Variants in PIK3C2A observed in about 807,000 individuals in gnomAD.
PIK3C2A encodes phosphatidylinositol 4-phosphate 3-kinase C2 domain-containing subunit alpha.
A neutral mutation model predicts 204.5 loss-of-function variants in PIK3C2A; 97 were observed. The ratio of observed to expected loss-of-function variants is 0.47; its 90% CI spans 0.40 to 0.56. The LOEUF is 0.56. Ranked by LOEUF, PIK3C2A falls within the 20% of genes least tolerant of loss-of-function variation. The pLI, the probability that PIK3C2A is intolerant of heterozygous loss-of-function variation, is 0.00. For missense variants in PIK3C2A, 1,735 were observed against 1,969.2 expected, an observed-to-expected ratio of 0.88 and a Z score of 2.25; for synonymous variants, 653 against 664.4, an observed-to-expected ratio of 0.98 and a Z score of 0.26.
At chr11:17,125,522 GT>G (rs200970133) in intron 13 of PIK3C2A, among the ~76,000 whole-genome samples, 2 of 150,564 alleles carry the variant, frequency 1.3e-5, no homozygotes, top group Admixed American at 6.6e-5. Flanking sequence ...GATTTTCACT[GT>G]TTTTTTTTGA....
intron 6 of PIK3C2A, 75 bp downstream of exon 6, chr11:17,147,442 A>G (rs1319404164): frequency 1.3e-6 from 1 of 780,898 alleles, no homozygotes; most frequent in Non-Finnish European, 2.2e-6. Context: ...AAAAATGTAC[A>G]AGTTGAAAAT....
intron 1 of PIK3C2A, among the ~76,000 whole-genome samples, chr11:17,191,203 A>G (rs1236561173): frequency 6.6e-6 from 1 of 152,178 alleles, no homozygotes; most frequent in African/African-American, 2.4e-5. Flanking sequence ...GCCTTGCCCA[A>G]AGACAGGTGC....
intron 2 of PIK3C2A, among the ~76,000 whole-genome samples, chr11:17,167,350 T>C (rs992330729): frequency 1.4e-4 from 21 of 152,288 alleles, no homozygotes; most frequent in African/African-American, 4.6e-4. Flanking sequence ...TGGCCGGGCA[T>C]GGTGGCTCAC....
intron 1 of PIK3C2A, 27 bp from the exon 2 acceptor site, chr11:17,169,833 C>A: frequency 1.2e-6 from 1 of 801,842 alleles, no homozygotes; most frequent in East Asian, 2.5e-5. Flanking sequence ...ACATAACACT[C>A]AATTAGATTT....
intron 1 of PIK3C2A, among the ~76,000 whole-genome samples, chr11:17,178,704 G>C (rs1301208595): frequency 7.3e-6 from 1 of 136,322 alleles, no homozygotes; most frequent in Non-Finnish European, 1.6e-5. Context: ...ACACCTGGTT[G>C]ATTTTTGAAT....
chr11:17,111,470 GT>G (rs976115453), intron 21 of PIK3C2A, among the ~76,000 whole-genome samples: 4 of 152,080 alleles, frequency 2.6e-5, no homozygotes, highest in African/African-American at 9.7e-5. Flanking sequence ...ACTTGAATAA[GT>G]TTTCATTTTC....
At chr11:17,195,169 C>T (rs1438027714) in intron 1 of PIK3C2A, among the ~76,000 whole-genome samples, 5 of 152,036 alleles carry the variant, frequency 3.3e-5, no homozygotes, top group Non-Finnish European at 7.4e-5. Flanking sequence ...AATCCCAGCA[C>T]TTTGGGAGGC....
At chr11:17,200,913 T>C (rs2137581922) in intron 1 of PIK3C2A, among the ~76,000 whole-genome samples, 1 of 152,274 alleles carries the variant, frequency 6.6e-6, no homozygotes, top group Middle Eastern at 3.4e-3. Flanking sequence ...CAGATGAAAC[T>C]AGGCGATTCA....
intron 1 of PIK3C2A, among the ~76,000 whole-genome samples, chr11:17,174,017 C>T (rs913171945): frequency 2.0e-5 from 3 of 151,884 alleles, no homozygotes; most frequent in Non-Finnish European, 2.9e-5. Flanking sequence ...AGACTAATAG[C>T]GTTTTGCCAT....
In PIK3C2A at chr11:17,102,686, G is replaced by T; in HGVS notation, c.3827C>A (p.Ala1276Glu). The T allele has an allele frequency of 6.2e-7, 1 of 1,613,094 alleles. No individual in the cohort carries two copies. ...CCTTTTGAAGCTGCCAAACATCTGT[G>T]CATGTCCCAAAAACTTTCCAAAGTC... is the stretch of plus-strand genomic sequence containing the variant. ...HIDFGKFLGH[A>E]QMFGSFKRDR... The change falls in exon 24 of 33, where the codon GCA becomes GAA. Residue 1276 changes from alanine to glutamate, a missense_variant. By Grantham distance (107) the Ala-to-Glu change is moderately radical (BLOSUM62 -1). This residue lies in a region of PIK3C2A where 503 missense variants were observed against 669.0 expected (regional missense o/e 0.75). Coordinates refer to ENST00000691414, the MANE Select transcript of PIK3C2A (RefSeq NM_002645.4).
chr11:17,193,979 T>C (rs999719173), intron 1 of PIK3C2A: 13 of 353,562 alleles, frequency 3.7e-5, no homozygotes, highest in African/African-American at 2.4e-4. Flanking sequence ...CTGAGGAACA[T>C]GTGCATTGCC....
chr11:17,183,445 G>A (rs983344940), intron 1 of PIK3C2A, among the ~76,000 whole-genome samples: 5 of 152,134 alleles, frequency 3.3e-5, no homozygotes, highest in African/African-American at 1.2e-4. Flanking sequence ...GGAGGCCAAG[G>A]TGGGTGGATC....
rs774769444 is a variant in PIK3C2A, at chr11:17,119,836, G to A, written c.2796C>T (p.His932=). The change falls in exon 16 of 33, where the codon CAC becomes CAT. Residue 932 remains histidine, a synonymous_variant. Transcript: ENST00000691414. ...TTAGTGGGTACAATGCAGGCCACTG[G>A]TGAAGCAATGAGTAAGTTTTGGCAA... ...VNLAKTYSLL[H]QWPALYPLIA... The A allele has an allele frequency of 1.5e-5, 24 of 1,607,512 alleles. No individual in the cohort carries two copies. Among genetic ancestry groups the A allele is most frequent in the Middle Eastern group, 3.3e-4 (2 of 6,056 alleles).
chr11:17,150,134 C>A (rs1850380123), intron 4 of PIK3C2A, among the ~76,000 whole-genome samples: 3 of 152,132 alleles, frequency 2.0e-5, no homozygotes, highest in Non-Finnish European at 4.4e-5. Flanking sequence ...ATCTTCTCCA[C>A]AGAAGAACTT....
At position 17,181,256 on chromosome 11, in the gene PIK3C2A, C is replaced by T. The variant is rs916788889; in HGVS notation, c.-65-11450G>A. 7.9e-5 allele frequency among the ~76,000 whole-genome samples: 12 copies of T among 151,964 alleles called. No individual in the cohort carries two copies. In the South Asian group the frequency reaches 8.3e-4, roughly 11 times the overall value. ...GGTAATTGGTCTCTAGCACTTCTCC[C>T]CTCCCTAACCCTCTAATCATGTTTT... On this transcript the variant is annotated intron_variant, in intron 1 of 32. Transcript: ENST00000691414.
At position 17,169,749 on chromosome 11, in the gene PIK3C2A, A is replaced by G. The variant is rs1447514079; in HGVS notation, c.-8T>C. ...GCTAGATATCTGAGCCATGTCCACT[A>G]AAAAGACCAAACCTTCCTTCCTCTA... On this transcript the variant is annotated 5_prime_UTR_variant, in exon 2 of 33. Transcript: ENST00000691414. 1 of 1,564,864 alleles carries G rather than the reference A, an allele frequency of 6.4e-7. No individual in the cohort carries two copies. Among genetic ancestry groups the G allele is most frequent in the Non-Finnish European group, 8.6e-7 (1 of 1,162,574 alleles).
At chr11:17,157,186 T>A (rs943491166) in intron 2 of PIK3C2A, among the ~76,000 whole-genome samples, 2 of 151,984 alleles carry the variant, frequency 1.3e-5, no homozygotes, top group Admixed American at 1.3e-4. Context: ...TCAACACCAA[T>A]TGCAATGAAG....
At chr11:17,127,310 GT>G (rs201763390) in intron 13 of PIK3C2A, among the ~76,000 whole-genome samples, 8 of 149,252 alleles carry the variant, frequency 5.4e-5, no homozygotes, top group Admixed American at 3.4e-4. Flanking sequence ...ATAAATATGT[GT>G]TTTTTTTTTC....
chr11:17,104,569 CA>C (rs1848742149), intron 23 of PIK3C2A, among the ~76,000 whole-genome samples: 2 of 151,774 alleles, frequency 1.3e-5, no homozygotes, highest in South Asian at 4.2e-4. Context: ...ACTAAAAATA[CA>C]AAAAATTGCC....
Sources: allele counts gnomAD v4.1 joint callset (sites outside exome capture counted in the v4.1 genomes callset), GRCh38; gene constraint gnomAD v4.1.1; regional missense constraint gnomAD v4.1.1; transcripts MANE v1.5; gene names NCBI Gene and HGNC (gene_info 2026-07-23, HGNC 2026-07-21).